Variants in KHDRBS2 observed in about 807,000 individuals in gnomAD.
KHDRBS2 encodes the protein KH RNA binding domain containing, signal transduction associated 2.
Under a neutral mutation model 44.3 loss-of-function variants are expected in KHDRBS2, and 26 were observed. The observed-to-expected ratio is 0.59, with a 90% CI of 0.43 to 0.81. KHDRBS2 has a LOEUF of 0.81. Among genes scored for constraint, KHDRBS2 ranks in the 40% least tolerant of loss-of-function variants. KHDRBS2 has a pLI of 0.00. For synonymous variants in KHDRBS2, 194 were observed against 151.1 expected, an observed-to-expected ratio of 1.28 and a Z score of -2.08; for missense variants, 476 against 433.1, an observed-to-expected ratio of 1.10 and a Z score of -0.88.
chr6:61,585,469 C>A, the KHDRBS2 span, among the ~76,000 whole-genome samples: 1 of 152,078 alleles, frequency 6.6e-6, no homozygotes, highest in African/African-American at 2.4e-5. Flanking sequence ...CTAACTATAG[C>A]TTTTGAGAAG....
intron 3 of KHDRBS2, among the ~76,000 whole-genome samples, chr6:62,040,275 C>A (rs1374525252): frequency 6.6e-5 from 10 of 151,810 alleles, no homozygotes; most frequent in Non-Finnish European, 1.5e-4. Context: ...ACACACCCGT[C>A]TAGAAATGAT....
chr6:61,919,593 A>C (rs1411376781), intron 4 of KHDRBS2, among the ~76,000 whole-genome samples: 1 of 151,900 alleles, frequency 6.6e-6, no homozygotes, highest in Admixed American at 6.6e-5. Flanking sequence ...TATTTGTAGA[A>C]ACATGACTAC....
rs190777846 is a variant in KHDRBS2, at chr6:62,005,959, G to A, written c.337-27747C>T. On this transcript the variant is annotated intron_variant, in intron 3 of 8. Coordinates refer to ENST00000281156, the MANE Select transcript of KHDRBS2 (RefSeq NM_152688.4). ...ATGCAACACAGAGATACAAGGAGAC[G>A]AAAAATTTGAAAGCAATATTAAGAA... Among the ~76,000 whole-genome samples, 833 of 151,882 alleles carry A rather than the reference G, an allele frequency of 5.5e-3. 3 individuals carry two copies. The highest frequency in any genetic ancestry group is 9.3e-3 in the Non-Finnish European group (629 of 67,804).
chr6:61,820,448 G>A (rs1314373404), intron 6 of KHDRBS2, among the ~76,000 whole-genome samples: 1 of 151,808 alleles, frequency 6.6e-6, no homozygotes, highest in African/African-American at 2.4e-5. Flanking sequence ...AGAAGATGAA[G>A]AATATTCAAG....
chr6:61,737,230 TA>T (rs1775507452), intron 6 of KHDRBS2, among the ~76,000 whole-genome samples: 1 of 152,082 alleles, frequency 6.6e-6, no homozygotes, highest in Admixed American at 6.6e-5. Flanking sequence ...CTTTAAATGT[TA>T]CACAGAAAAT....
intron 1 of KHDRBS2, among the ~76,000 whole-genome samples, chr6:62,223,574 T>C (rs1585279279): frequency 6.6e-6 from 1 of 152,190 alleles, no homozygotes; most frequent in Non-Finnish European, 1.5e-5. Flanking sequence ...TTCTATCACA[T>C]TGTCAGGATG....
intron 1 of KHDRBS2, among the ~76,000 whole-genome samples, chr6:62,274,934 G>A (rs527921447): frequency 3.3e-5 from 5 of 150,126 alleles, no homozygotes; most frequent in Admixed American, 1.3e-4. Context: ...TACATATATC[G>A]CTCATCAAAT....
chr6:61,903,592 G>A (rs1804444874), intron 4 of KHDRBS2, among the ~76,000 whole-genome samples: 1 of 152,100 alleles, frequency 6.6e-6, no homozygotes, highest in Admixed American at 6.6e-5. Flanking sequence ...ATCAGATGGT[G>A]TCACAGACTA....
At chr6:61,923,662 A>G (rs1808463991) in intron 4 of KHDRBS2, among the ~76,000 whole-genome samples, 1 of 152,158 alleles carries the variant, frequency 6.6e-6, no homozygotes, top group Non-Finnish European at 1.5e-5. Flanking sequence ...AAAGAGAAGT[A>G]GAAGAGATCT....
intron 3 of KHDRBS2, among the ~76,000 whole-genome samples, chr6:62,017,016 T>A (rs546625626): frequency 6.6e-6 from 1 of 152,226 alleles, no homozygotes; most frequent in Non-Finnish European, 1.5e-5. Context: ...AATCAATCTG[T>A]TTTTCTTTTT....
At chr6:62,018,297 ATATGTGTGTG>A (rs996971761) in intron 3 of KHDRBS2, among the ~76,000 whole-genome samples, 3 of 138,490 alleles carry the variant, frequency 2.2e-5, no homozygotes, top group African/African-American at 8.6e-5. Flanking sequence ...CTATATATAT[ATATGTGTGTG>A]TGTGTGTGTG....
At chr6:62,007,366 AT>A (rs1779437821) in intron 3 of KHDRBS2, among the ~76,000 whole-genome samples, 1 of 151,178 alleles carries the variant, frequency 6.6e-6, no homozygotes, top group Admixed American at 6.6e-5. Flanking sequence ...GCTATGAGAG[AT>A]TACTTTGTTG....
chr6:62,160,332 T>A lies in KHDRBS2; in HGVS notation c.219+16853A>T, dbSNP rs373493261. On this transcript the variant is annotated intron_variant, in intron 2 of 8. Transcript: ENST00000281156. The stretch of plus-strand genomic sequence containing the variant: ...GATGGATGAAGGCTGCTATATTAAA[T>A]AGGTTGCCTAAGTTAGACCTTGTTA... Among the ~76,000 whole-genome samples the A allele has an allele frequency of 5.1e-4, 78 of 152,250 alleles. 1 individual carries two copies. Among genetic ancestry groups the A allele is most frequent in the African/African-American group, 1.8e-3 (75 of 41,572 alleles).
chr6:61,601,834 T>G, the KHDRBS2 span, among the ~76,000 whole-genome samples: 88 of 152,212 alleles, frequency 5.8e-4, no homozygotes, highest in Non-Finnish European at 4.4e-5. Flanking sequence ...TACTCACACC[T>G]GGTCCAGCTT....
At chr6:61,905,046 G>A (rs1476000525) in intron 4 of KHDRBS2, among the ~76,000 whole-genome samples, 3 of 152,166 alleles carry the variant, frequency 2.0e-5, no homozygotes, top group Non-Finnish European at 2.9e-5. Context: ...TTACTTTAAA[G>A]TGGTTAGAGA....
chr6:62,038,929 A>G (rs1785886205), intron 3 of KHDRBS2, among the ~76,000 whole-genome samples: 1 of 152,054 alleles, frequency 6.6e-6, no homozygotes, highest in Non-Finnish European at 1.5e-5. Flanking sequence ...TTACCCATTA[A>G]TTAATAATGT....
intron 6 of KHDRBS2, among the ~76,000 whole-genome samples, chr6:61,796,693 T>C (rs1694991270): frequency 6.6e-6 from 1 of 152,106 alleles, no homozygotes; most frequent in African/African-American, 2.4e-5. Flanking sequence ...TGGGTATAAT[T>C]TTGGTTATGT....
chr6:62,104,258 C>A (rs1168115939), intron 2 of KHDRBS2, among the ~76,000 whole-genome samples: 3 of 152,128 alleles, frequency 2.0e-5, no homozygotes, highest in African/African-American at 7.2e-5. Context: ...AGAACATTTA[C>A]ACAAACTAGA....
At chr6:61,637,237 T>C in the KHDRBS2 span, among the ~76,000 whole-genome samples, 1 of 146,890 alleles carries the variant, frequency 6.8e-6, no homozygotes, top group Non-Finnish European at 1.5e-5. Context: ...CCTGTGGCCA[T>C]GTGTTCTCAT....
Sources: allele counts gnomAD v4.1 joint callset (sites outside exome capture counted in the v4.1 genomes callset), GRCh38; gene constraint gnomAD v4.1.1; transcripts MANE v1.5; gene names NCBI Gene and HGNC (gene_info 2026-07-23, HGNC 2026-07-21).